Variants in BBS5 observed in about 807,000 individuals in gnomAD.
BBS5 encodes the protein BBSome complex member BBS5.
In BBS5, 39 loss-of-function variants were observed where a neutral mutation model predicts 50.2. The ratio of observed to expected loss-of-function variants is 0.78; its 90% CI spans 0.60 to 1.01. The LOEUF is 1.01. BBS5 is among the 50% of genes least tolerant of loss of function. BBS5 has a pLI of 0.00. For synonymous variants in BBS5, 134 were observed against 133.1 expected, an observed-to-expected ratio of 1.01 and a Z score of -0.05; for missense variants, 356 against 401.5, an observed-to-expected ratio of 0.89 and a Z score of 0.97.
intron 3 of BBS5, 96 bp downstream of exon 3, chr2:169,487,230 TAA>T (rs1683501854): frequency 2.5e-6 from 2 of 809,966 alleles, no homozygotes; most frequent in African/African-American, 3.5e-5. Flanking sequence ...GTAGAAATAT[TAA>T]TAAAAATAAA....
rs1559128063 is a variant in BBS5 at position 169,506,608 on chromosome 2, T to G, written c.*2026T>G. 1 of 152,300 alleles carries G rather than the reference T, an allele frequency of 6.6e-6. No individual in the cohort carries two copies. Among genetic ancestry groups the G allele is most frequent in the Admixed American group, 6.5e-5 (1 of 15,288 alleles). 9.4% of individuals were successfully genotyped at this position (152,300 alleles called of 1,614,324 possible). A position where few individuals can be genotyped will look rare whatever the true frequency, so the allele number is the denominator to read the frequency against. Reference sequence around the variant, plus strand: ...CTGTAAAGTCTTAGTTTTCAGACATTAAGTGACTGTATCATGTTCGGTTTA... The same window carrying G: ...CTGTAAAGTCTTAGTTTTCAGACATGAAGTGACTGTATCATGTTCGGTTTA... On this transcript the variant is annotated 3_prime_UTR_variant, in exon 12 of 12. Coordinates refer to ENST00000295240, the MANE Select transcript of BBS5 (RefSeq NM_152384.3).
At chr2:169,503,288 T>A (rs1683842433) in intron 10 of BBS5, 110 bp downstream of exon 10, 2 of 854,594 alleles carry the variant, frequency 2.3e-6, no homozygotes, top group Admixed American at 4.2e-5. Flanking sequence ...TTTGATGGTG[T>A]CTTAAACCTG....
chr2:169,483,810 A>G (rs1411252500), intron 2 of BBS5, among the ~76,000 whole-genome samples: 1 of 152,106 alleles, frequency 6.6e-6, no homozygotes, highest in Non-Finnish European at 1.5e-5. Context: ...CTCAGATGAG[A>G]GTGGAGTATG....
At position 169,496,565 on chromosome 2, in the gene BBS5, A is replaced by C. The variant is rs143157783; in HGVS notation, c.619-1062A>C. Among the ~76,000 whole-genome samples, 1,352 of 149,726 alleles carry C rather than the reference A, an allele frequency of 9.0e-3. 28 individuals carry two copies. Among genetic ancestry groups the C allele is most frequent in the African/African-American group, 0.031 (1,278 of 40,616 alleles). ...CCTGACTAACACAGTGAAACCCAGT[A>C]TCTACTAAAAATACAAAAAATTGGC... On this transcript the variant is annotated intron_variant, in intron 7 of 11. Transcript: ENST00000295240.
chr2:169,480,358 A>G (rs1324910968), intron 1 of BBS5, among the ~76,000 whole-genome samples: 1 of 152,168 alleles, frequency 6.6e-6, no homozygotes, highest in Non-Finnish European at 1.5e-5. Context: ...AGAAACGCTA[A>G]AGCTAAGATT....
At chr2:169,493,882 AT>A (rs543208217) in intron 7 of BBS5, 46 bp downstream of exon 7, 2 of 1,339,724 alleles carry the variant, frequency 1.5e-6, no homozygotes, top group South Asian at 2.5e-5. Context: ...TAAAATAAAT[AT>A]TTTTTGTTCA....
intron 7 of BBS5, among the ~76,000 whole-genome samples, chr2:169,496,016 G>A (rs1045726608): frequency 5.3e-5 from 8 of 152,168 alleles, no homozygotes; most frequent in Non-Finnish European, 7.3e-5. Flanking sequence ...GAAAGGCCAG[G>A]TTTTCGTAAC....
chr2:169,502,980 A>G, intron 9 of BBS5, 115 bp from the exon 10 acceptor site: 2 of 791,422 alleles, frequency 2.5e-6, no homozygotes, highest in Non-Finnish European at 4.3e-6. Context: ...AACAAATTAT[A>G]CCGTGATTTT....
chr2:169,487,592 T>C (rs1024276689), intron 3 of BBS5, among the ~76,000 whole-genome samples: 6 of 151,942 alleles, frequency 3.9e-5, no homozygotes, highest in African/African-American at 1.4e-4. Flanking sequence ...TTTCCTGTGT[T>C]ATATTTTTGT....
At chr2:169,501,692 A>G (rs540645898) in intron 9 of BBS5, among the ~76,000 whole-genome samples, 1 of 152,250 alleles carries the variant, frequency 6.6e-6, no homozygotes, top group South Asian at 2.1e-4. Context: ...GCAGTGAGCT[A>G]TGATCATGCC....
intron 8 of BBS5, among the ~76,000 whole-genome samples, chr2:169,498,821 A>AAAG (rs1553528692): frequency 9.7e-4 from 147 of 151,528 alleles, no homozygotes; most frequent in Admixed American, 2.1e-3. Context: ...AAAAAAAAAA[A>AAAG]AAAGAAAGGA....
intron 2 of BBS5, 180 bp downstream of exon 2, chr2:169,482,513 T>C: frequency 1.7e-6 from 1 of 584,244 alleles, no homozygotes; most frequent in Non-Finnish European, 3.1e-6. Context: ...ATTAAACATG[T>C]AGTTTGGTCC....
At position 169,497,627 on chromosome 2, in the gene BBS5, C is replaced by T. The variant is rs756421732; in HGVS notation, c.619C>T (p.Arg207Cys). 8 of 1,570,194 alleles carry T rather than the reference C, an allele frequency of 5.1e-6. No individual in the cohort carries two copies. The African/African-American group carries it at 6.8e-5, about 13-fold the overall frequency. ...FNVSIPYLQIRSIKIRDSKFG... is the reference protein window; with the variant it reads ...FNVSIPYLQICSIKIRDSKFG... The stretch of plus-strand genomic sequence containing the variant: ...TTTTTCTTTTTCATTTTGTATCTAG[C>T]GTTCAATAAAGATTAGAGATTCAAA... Residue 207 changes from arginine (R) to cysteine (C), a missense_variant and splice_region_variant, in exon 8 of 12, where the codon CGT becomes TGT. By Grantham distance (180) the Arg-to-Cys change is radical (BLOSUM62 -3). Transcript: ENST00000295240.
chr2:169,484,605 C>T (rs1468493367), intron 2 of BBS5, among the ~76,000 whole-genome samples: 2 of 152,074 alleles, frequency 1.3e-5, no homozygotes. Flanking sequence ...AAACTATATC[C>T]CAGAAGATTA....
At position 169,487,119 on chromosome 2, in the gene BBS5, T is replaced by G. The variant is rs376991114; in HGVS notation, c.193T>G (p.Ser65Ala). The change falls in exon 3 of 12, where the codon TCA becomes GCA. Residue 65 changes from serine (S) to alanine (A), a missense_variant. Physicochemically the swap from Ser to Ala is moderately conservative, Grantham distance 99. Transcript: ENST00000295240. ...AATTCTCTGGCACTCTTTGGCATTA[T>G]CAAGAGTCAATGTTTGTAAGTATCT... Reference protein sequence around the residue: ...LRILWHSLALSRVNVSVGYNC... With the variant: ...LRILWHSLALARVNVSVGYNC... The G allele has an allele frequency of 6.2e-7, 1 of 1,610,448 alleles. No individual in the cohort carries two copies. Among genetic ancestry groups the G allele is most frequent in the Non-Finnish European group, 8.5e-7 (1 of 1,177,090 alleles).
At position 169,479,523 on chromosome 2, in the gene BBS5, T is replaced by G. The variant is rs202214368; in HGVS notation, c.-31T>G. On this transcript the variant is annotated 5_prime_UTR_variant, in exon 1 of 12. Transcript: ENST00000295240. ...AGACGCAGCTAGGCCTGCACGGCTG[T>G]GGAGAGATCCTGCCACGGGCCTTGT... 6.2e-7 allele frequency: 1 copy of G among 1,613,710 alleles called. No individual in the cohort carries two copies. The highest frequency in any genetic ancestry group is 8.5e-7 in the Non-Finnish European group (1 of 1,179,658).
chr2:169,504,565 T>C lies in BBS5; in HGVS notation c.1009T>C (p.Trp337Arg), dbSNP rs1559126771. The C allele has an allele frequency of 1.5e-5, 24 of 1,611,828 alleles. No homozygotes were observed. The highest frequency in any genetic ancestry group is 2.0e-5 in the Non-Finnish European group (23 of 1,178,012). ...GGATGGATTCACCCTACAGGGACTTTGGGAAGTAATGAGTTGATTGACCTT... is the reference window on the plus strand; with the variant it reads ...GGATGGATTCACCCTACAGGGACTTCGGGAAGTAATGAGTTGATTGACCTT... ...LKDGFTLQGLWEVMS is the reference protein window; with the variant it reads ...LKDGFTLQGLREVMS The change falls in exon 12 of 12, where the codon TGG becomes CGG. Residue 337 changes from tryptophan (W) to arginine (R), a missense_variant. By Grantham distance (101) the Trp-to-Arg change is moderately radical. Transcript: ENST00000295240.
intron 2 of BBS5, among the ~76,000 whole-genome samples, chr2:169,484,266 C>G (rs1490962625): frequency 1.3e-5 from 2 of 152,072 alleles, no homozygotes; most frequent in Admixed American, 1.3e-4. Context: ...GCCTGTGGCC[C>G]CAGCTACTGG....
chr2:169,493,102 T>C, intron 6 of BBS5, 93 bp downstream of exon 6: 1 of 1,440,676 alleles, frequency 6.9e-7, no homozygotes, highest in East Asian at 2.3e-5. Context: ...ATTCTAATTG[T>C]TAAAATTAGC....
Sources: gnomAD v4.1 joint callset for allele counts (sites outside exome capture counted in the v4.1 genomes callset) on GRCh38, gnomAD v4.1.1 for gene constraint, MANE v1.5 for transcripts, NCBI Gene and HGNC (gene_info 2026-07-23, HGNC 2026-07-21) for gene names.